The following GALR2 variants were observed in gnomAD, a reference collection of about 807,000 sequenced individuals.
GALR2 encodes galanin receptor type 2.
A neutral mutation model predicts 7.2 loss-of-function variants in GALR2; 5 were observed. The observed-to-expected ratio is 0.69, with a 90% CI of 0.36 to 1.45. GALR2 has a LOEUF of 1.45. GALR2 is among the 40% of genes most tolerant of loss of function. The pLI is 0.03. For missense variants in GALR2, 561 were observed against 555.7 expected, an observed-to-expected ratio of 1.01 and a Z score of -0.10; for synonymous variants, 300 against 263.9, an observed-to-expected ratio of 1.14 and a Z score of -1.32.
At chr17:76,074,248 G>C (rs1314270214), upstream of GALR2, among the ~76,000 whole-genome samples, 1 of 152,212 alleles carries the variant, frequency 6.6e-6, no homozygotes, top group Non-Finnish European at 1.5e-5. This position sits in a 1 kb window ranked among gnomAD's most constrained non-coding sequence, Gnocchi z 6.7. Context: ...CCCGGGAGAC[G>C]GAGGTTGCAG....
At chr17:76,072,531 C>A (rs1424422790), upstream of GALR2, 1 of 1,559,228 alleles carries the variant, frequency 6.4e-7, no homozygotes, top group Non-Finnish European at 8.6e-7. The surrounding 1 kb of genome is among the most constrained non-coding windows in gnomAD (Gnocchi z 4.5). Flanking sequence ...ATAGGGGAGG[C>A]GGGACGACCT....
At chr17:76,072,408 G>GCCGCTA (rs766727499), upstream of GALR2, 8 of 1,595,772 alleles carry the variant, frequency 5.0e-6, no homozygotes, top group African/African-American at 8.1e-5. The surrounding 1 kb of genome is among the most constrained non-coding windows in gnomAD (Gnocchi z 4.5). Context: ...CACGTCCACC[G>GCCGCTA]CCGCTACCGC....
At position 76,077,429 on chromosome 17, in the gene GALR2, T is replaced by C. The variant is rs1396158348; in HGVS notation, c.1162T>C (p.Ter388ArgextTer?). Residue 388 changes from the stop codon to arginine, a stop_lost, in exon 2 of 2, where the codon TGA (stop) becomes CGA (arginine). Transcript: ENST00000329003. ...CAGCATCCTGACGGTTGATGTGGCC[T>C]GAAAGCACTTAGCGGGCGCGCTGGG... ...GDSILTVDVA[*>R] The C allele has an allele frequency of 6.9e-7, 1 of 1,446,734 alleles. No individual in the cohort carries two copies. The highest frequency in any genetic ancestry group is 1.5e-5 in the South Asian group (1 of 68,732). 89.6% of individuals were successfully genotyped at this position (1,446,734 alleles called of 1,614,324 possible).
chr17:76,077,510 A>C lies in GALR2; in HGVS notation c.*79A>C, dbSNP rs903781888. On this transcript the variant is annotated 3_prime_UTR_variant, in exon 2 of 2. Coordinates refer to ENST00000329003, the MANE Select transcript of GALR2 (RefSeq NM_003857.4). ...ACCGTGGGGAGAGCTTTGCCTGTTA[A>C]TAAAACGCACAAACCATTTCACACA... 1.5e-5 allele frequency: 19 copies of C among 1,237,788 alleles called. No homozygotes were observed. In the African/African-American group the frequency reaches 2.9e-4, roughly 19 times the overall value. 76.7% of individuals were successfully genotyped at this position (1,237,788 alleles called of 1,614,324 possible).
rs751058967 is a variant in GALR2, at chr17:76,075,175, T to G, written c.292T>G (p.Cys98Gly). ...LDGWVFGSLL[C>G]KAVHFLIFLT... ...CGGCTGGGTGTTCGGCTCGCTGCTG[T>G]GCAAGGCGGTGCACTTCCTCATCTT... is the stretch of plus-strand genomic sequence containing the variant. The change falls in exon 1 of 2, where the codon TGC (cysteine) becomes GGC (glycine). Residue 98 changes from cysteine (C) to glycine (G), a missense_variant. Cys to Gly is a radical substitution (Grantham distance 159). Transcript: ENST00000329003. The surrounding 1 kb of genome is among the most constrained non-coding windows in gnomAD (Gnocchi z 5.9). 6.2e-7 allele frequency: 1 copy of G among 1,611,714 alleles called. No homozygotes were observed. Among genetic ancestry groups the G allele is most frequent in the Non-Finnish European group, 8.5e-7 (1 of 1,180,006 alleles).
At chr17:76,073,121 A>G (rs1317769619), upstream of GALR2, among the ~76,000 whole-genome samples, 1 of 152,130 alleles carries the variant, frequency 6.6e-6, no homozygotes, top group African/African-American at 2.4e-5. Flanking sequence ...ACATGGGAAA[A>G]TATGAATTTT....
chr17:76,076,457 T>G lies in GALR2; in HGVS notation c.369-179T>G, dbSNP rs1480579268. Among the ~76,000 whole-genome samples the G allele has an allele frequency of 6.6e-6, 1 of 152,076 alleles. No individual in the cohort carries two copies. The highest frequency in any genetic ancestry group is 1.5e-5 in the Non-Finnish European group (1 of 67,988). On this transcript the variant is annotated intron_variant, in intron 1 of 1. Transcript: ENST00000329003. This position sits in a 1 kb window ranked among gnomAD's most constrained non-coding sequence, Gnocchi z 6.5. ...GCTCCGCTGAGTGTCTGGGACACGC[T>G]GGGAGGCCCCCACCTCCGCCCTCAC...
At position 76,077,137 on chromosome 17, in the gene GALR2, C is replaced by G. The variant is rs1598276281; in HGVS notation, c.870C>G (p.Ile290Met). The change falls in exon 2 of 2, where the codon ATC becomes ATG. Residue 290 changes from isoleucine to methionine, a missense_variant. Physicochemically the swap from Ile to Met is conservative, Grantham distance 10. Transcript: ENST00000329003. ...VSYANSCVNP[I>M]VYALVSKHFR... Reference sequence around the variant, plus strand: ...ACGCCAACTCCTGCGTCAACCCCATCGTTTACGCGCTGGTCTCCAAGCACT... The same window carrying G: ...ACGCCAACTCCTGCGTCAACCCCATGGTTTACGCGCTGGTCTCCAAGCACT... 6.2e-7 allele frequency: 1 copy of G among 1,612,862 alleles called. No homozygotes were observed. The highest frequency in any genetic ancestry group is 8.5e-7 in the Non-Finnish European group (1 of 1,179,842).
upstream of GALR2, chr17:76,072,737 AG>A (rs911358234): frequency 1.5e-6 from 1 of 685,072 alleles, no homozygotes; most frequent in Non-Finnish European, 2.3e-6. The surrounding 1 kb of genome is among the most constrained non-coding windows in gnomAD (Gnocchi z 4.5). Flanking sequence ...CTGAGATCTC[AG>A]GGGGCAGTCC....
At chr17:76,072,446 T>TGCCGCCGCC (rs536477130), upstream of GALR2, 153 of 1,579,306 alleles carry the variant, frequency 9.7e-5, 1 homozygote, top group South Asian at 8.7e-4. This position sits in a 1 kb window ranked among gnomAD's most constrained non-coding sequence, Gnocchi z 4.5. Flanking sequence ...CCGCCGCCAC[T>TGCCGCCGCC]GCCGCCGCCG....
Position 76,075,548 on chromosome 17 carries a change from T to G in GALR2, c.368+297T>G, listed in dbSNP as rs903092994. ...CGCGTTTGTGCGCGTTCATCTCGCT[T>G]GAGCTTAATGCCCTCCGTGAGGGTG... On this transcript the variant is annotated intron_variant, in intron 1 of 1. Transcript: ENST00000329003. The surrounding 1 kb of genome is among the most constrained non-coding windows in gnomAD (Gnocchi z 5.9). Among the ~76,000 whole-genome samples, 9 of 152,218 alleles carry G rather than the reference T, an allele frequency of 5.9e-5. No individual in the cohort carries two copies. Among genetic ancestry groups the G allele is most frequent in the African/African-American group, 2.2e-4 (9 of 41,474 alleles).
Position 76,076,494 on chromosome 17 carries a change from C to T in GALR2, c.369-142C>T. ...ACCTCCGCCCTCACGCCGAGCCTCA[C>T]CCCCACCTCCTCTGTGTGCGGTGTA... On this transcript the variant is annotated intron_variant, in intron 1 of 1. Coordinates refer to ENST00000329003, the MANE Select transcript of GALR2 (RefSeq NM_003857.4). The surrounding 1 kb of genome is among the most constrained non-coding windows in gnomAD (Gnocchi z 6.5). 1.7e-6 allele frequency: 1 copy of T among 597,090 alleles called. No individual in the cohort carries two copies. Among genetic ancestry groups the T allele is most frequent in the Admixed American group, 3.2e-5 (1 of 31,026 alleles). 37.0% of individuals were successfully genotyped at this position (597,090 alleles called of 1,614,324 possible).
upstream of GALR2, chr17:76,072,138 C>T (rs2144539207): frequency 1.5e-6 from 2 of 1,308,532 alleles, no homozygotes; most frequent in Non-Finnish European, 2.1e-6. This position sits in a 1 kb window ranked among gnomAD's most constrained non-coding sequence, Gnocchi z 4.5. Flanking sequence ...AAAGACTAGT[C>T]GAGAGACAGA....
rs1001156691 is a variant in GALR2 at position 76,077,516 on chromosome 17, C to G, written c.*85C>G. On this transcript the variant is annotated 3_prime_UTR_variant, in exon 2 of 2. Transcript: ENST00000329003. ...GGGAGAGCTTTGCCTGTTAATAAAA[C>G]GCACAAACCATTTCACACACAGTGA... 15 of 1,180,156 alleles carry G rather than the reference C, an allele frequency of 1.3e-5. No homozygotes were observed. Among genetic ancestry groups the G allele is most frequent in the Admixed American group, 1.2e-4 (4 of 34,186 alleles). 73.1% of individuals were successfully genotyped at this position (1,180,156 alleles called of 1,614,324 possible).
At chr17:76,072,066 C>T (rs1000929308), upstream of GALR2, 14 of 696,236 alleles carry the variant, frequency 2.0e-5, no homozygotes, top group Admixed American at 3.4e-4. This position sits in a 1 kb window ranked among gnomAD's most constrained non-coding sequence, Gnocchi z 4.5. Flanking sequence ...GGGAAACCTG[C>T]CTGATATCCC....
upstream of GALR2, among the ~76,000 whole-genome samples, chr17:76,074,597 CA>C (rs941590435): frequency 9.2e-5 from 14 of 152,356 alleles, no homozygotes; most frequent in African/African-American, 3.4e-4. This position sits in a 1 kb window ranked among gnomAD's most constrained non-coding sequence, Gnocchi z 6.7. Context: ...GAAGCAGGTA[CA>C]AGCGCCACTC....
chr17:76,074,932 G>A lies in GALR2; in HGVS notation c.49G>A (p.Gly17Ser), dbSNP rs1290571755. 6.4e-6 allele frequency: 10 copies of A among 1,556,744 alleles called. No homozygotes were observed. Among genetic ancestry groups the A allele is most frequent in the South Asian group, 1.2e-5 (1 of 86,670 alleles). ...GGCCGGGAACGCGAGCCAGGCGGGC[G>A]GCGGGGGAGGCTGGCACCCCGAGGC... ...PGAGNASQAG[G>S]GGGWHPEAVI... Residue 17 changes from glycine (G) to serine (S), a missense_variant, in exon 1 of 2, where the codon GGC (glycine) becomes AGC (serine). By Grantham distance (56) the Gly-to-Ser change is moderately conservative. Coordinates refer to ENST00000329003, the MANE Select transcript of GALR2 (RefSeq NM_003857.4). The surrounding 1 kb of genome is among the most constrained non-coding windows in gnomAD (Gnocchi z 6.7).
At chr17:76,072,914 C>A (rs932564118), upstream of GALR2, among the ~76,000 whole-genome samples, 5 of 152,178 alleles carry the variant, frequency 3.3e-5, no homozygotes, top group Non-Finnish European at 5.9e-5. The surrounding 1 kb of genome is among the most constrained non-coding windows in gnomAD (Gnocchi z 4.5). Flanking sequence ...TCCTCCCTAC[C>A]GGAACGGGAC....
At position 76,074,999 on chromosome 17, in the gene GALR2, G is replaced by A. The variant is rs771256595; in HGVS notation, c.116G>A (p.Gly39Asp). The A allele has an allele frequency of 6.2e-7, 1 of 1,607,104 alleles. No individual in the cohort carries two copies. Among genetic ancestry groups the A allele is most frequent in the East Asian group, 2.2e-5 (1 of 44,856 alleles). ...PLLFALIFLV[G>D]TVGNTLVLAV... is the part of the protein sequence containing the mutation. ...CTCTTCGCGCTCATCTTCCTCGTGG[G>A]CACCGTGGGCAACACGCTGGTGCTG... The change falls in exon 1 of 2, where the codon GGC (glycine) becomes GAC (aspartate). Residue 39 changes from glycine (G) to aspartate (D), a missense_variant. Coordinates refer to ENST00000329003, the MANE Select transcript of GALR2 (RefSeq NM_003857.4). This position sits in a 1 kb window ranked among gnomAD's most constrained non-coding sequence, Gnocchi z 6.7.
Sources: allele counts gnomAD v4.1 joint callset (sites outside exome capture counted in the v4.1 genomes callset), GRCh38; gene constraint gnomAD v4.1.1; non-coding constraint Gnocchi (gnomAD v3.1); transcripts MANE v1.5; gene names NCBI Gene and HGNC (gene_info 2026-07-23, HGNC 2026-07-21).